Variants in PHC3 observed in about 807,000 individuals in gnomAD.
PHC3 encodes polyhomeotic-like protein 3.
In PHC3, 13 loss-of-function variants were observed where a neutral mutation model predicts 107.4. The ratio of observed to expected loss-of-function variants is 0.12; its 90% CI spans 0.08 to 0.19. PHC3 has a LOEUF of 0.19. Among genes scored for constraint, PHC3 ranks in the 10% least tolerant of loss-of-function variants. The pLI is 1.00. For missense variants in PHC3, 992 were observed against 1,210.9 expected (o/e 0.82, Z 2.68); for synonymous variants, 456 against 427.4 (o/e 1.07, Z -0.83).
chr3:170,181,523 A>G (rs901006427), intron 1 of PHC3, among the ~76,000 whole-genome samples, 179 bp downstream of exon 1: 1 of 152,104 alleles, frequency 6.6e-6, no homozygotes, highest in African/African-American at 2.4e-5. Context: ...ACTGGACCCT[A>G]GAGTTCGTCT....
chr3:170,112,269 G>A (rs1450606730), intron 11 of PHC3, among the ~76,000 whole-genome samples: 1 of 151,642 alleles, frequency 6.6e-6, no homozygotes, highest in Non-Finnish European at 1.5e-5. Context: ...GGAGTGCAGT[G>A]GCACAATTTC....
intron 4 of PHC3, among the ~76,000 whole-genome samples, chr3:170,155,866 G>C (rs1726810737): frequency 6.6e-6 from 1 of 152,032 alleles, no homozygotes; most frequent in Admixed American, 6.5e-5. Context: ...AAATGTTAAA[G>C]GTGTATATAT....
chr3:170,120,617 T>C (rs556802702), intron 9 of PHC3, among the ~76,000 whole-genome samples: 1 of 152,072 alleles, frequency 6.6e-6, no homozygotes, highest in South Asian at 2.1e-4. Flanking sequence ...ATATTTTATA[T>C]AAGTTTATTG....
intron 14 of PHC3, among the ~76,000 whole-genome samples, chr3:170,099,537 G>A (rs537738808): frequency 8.5e-5 from 13 of 152,192 alleles, no homozygotes; most frequent in African/African-American, 2.2e-4. Context: ...CCTGGATCCC[G>A]GGGATGTGTA....
intron 7 of PHC3, among the ~76,000 whole-genome samples, chr3:170,134,617 A>C (rs1312037037): frequency 2.0e-5 from 3 of 152,174 alleles, no homozygotes; most frequent in African/African-American, 7.2e-5. Flanking sequence ...CCAAAATCCA[A>C]GTGGGAAAAA....
chr3:170,120,559 C>G (rs1249494382), intron 9 of PHC3, among the ~76,000 whole-genome samples: 1 of 151,764 alleles, frequency 6.6e-6, no homozygotes, highest in East Asian at 1.9e-4. Flanking sequence ...GGCGACAGAG[C>G]CAGACTCCAT....
chr3:170,165,081 C>T (rs1012471181), intron 4 of PHC3, among the ~76,000 whole-genome samples: 4 of 152,172 alleles, frequency 2.6e-5, no homozygotes, highest in Admixed American at 1.3e-4. Context: ...AAAGGTACTC[C>T]TATTCCTTCT....
At chr3:170,118,409 C>T (rs528466533) in intron 9 of PHC3, among the ~76,000 whole-genome samples, 1 of 152,024 alleles carries the variant, frequency 6.6e-6, no homozygotes, top group African/African-American at 2.4e-5. Flanking sequence ...CCATGCCTGC[C>T]TGGAAAATTT....
At chr3:170,127,839 A>C (rs1460491813) in intron 8 of PHC3, among the ~76,000 whole-genome samples, 3 of 152,196 alleles carry the variant, frequency 2.0e-5, no homozygotes, top group Non-Finnish European at 2.9e-5. Context: ...AATGTCTTTT[A>C]GAGAATGTTT....
intron 6 of PHC3, among the ~76,000 whole-genome samples, chr3:170,144,856 G>A (rs571098447): frequency 5.3e-5 from 8 of 152,248 alleles, no homozygotes; most frequent in East Asian, 1.9e-4. Context: ...CAGCAGCGCA[G>A]CACCACACTT....
At chr3:170,136,329 CTCCTGT>C in intron 7 of PHC3, 84 bp downstream of exon 7, 1 of 1,471,186 alleles carries the variant, frequency 6.8e-7, no homozygotes, top group Non-Finnish European at 9.4e-7. Context: ...AAAGGTGTCA[CTCCTGT>C]TCAAGTCATG....
intron 9 of PHC3, among the ~76,000 whole-genome samples, chr3:170,120,551 C>A (rs1209825352): frequency 6.6e-6 from 1 of 151,382 alleles, no homozygotes; most frequent in East Asian, 1.9e-4. Flanking sequence ...CCAGCCTGGG[C>A]GACAGAGCCA....
Position 170,096,982 on chromosome 3 carries a change from C to T in PHC3, c.*248G>A. ...ACATTTCTTTGAAAAATATCATGGCCCTCTGTAACAAGTCTTTCAATGTTT... is the reference window on the plus strand; with the variant it reads ...ACATTTCTTTGAAAAATATCATGGCTCTCTGTAACAAGTCTTTCAATGTTT... On this transcript the variant is annotated 3_prime_UTR_variant, in exon 15 of 15. Transcript: ENST00000495893. 1 of 325,344 alleles carries T rather than the reference C, an allele frequency of 3.1e-6. No homozygotes were observed. Among genetic ancestry groups the T allele is most frequent in the South Asian group, 1.4e-4 (1 of 7,184 alleles). 20.2% of individuals were successfully genotyped at this position (325,344 alleles called of 1,614,324 possible).
chr3:170,156,759 G>A (rs1241457287), intron 4 of PHC3, among the ~76,000 whole-genome samples: 1 of 151,798 alleles, frequency 6.6e-6, no homozygotes, highest in African/African-American at 2.4e-5. Context: ...ACCATGCCTG[G>A]CTAATTTTTG....
rs1316079469 is a variant in PHC3 at position 170,095,874 on chromosome 3, G to T, written c.*1356C>A. On this transcript the variant is annotated 3_prime_UTR_variant, in exon 15 of 15. Coordinates refer to ENST00000495893, the MANE Select transcript of PHC3 (RefSeq NM_024947.4). ...AACATGTACATACAAAATTATATCC[G>T]ATGGTTCAAGAGAAATCACTTGGTA... The T allele has an allele frequency of 6.6e-6, 1 of 152,056 alleles. No individual in the cohort carries two copies. Among genetic ancestry groups the T allele is most frequent in the Non-Finnish European group, 1.5e-5 (1 of 68,010 alleles). The allele number at this position is 152,056 out of a possible 1,614,324, so 9.4% of individuals were successfully genotyped here.
At chr3:170,119,036 T>TAAAAAAAAAAAAAAAAAAGAAA (rs1719624702) in intron 9 of PHC3, among the ~76,000 whole-genome samples, 1 of 72,668 alleles carries the variant, frequency 1.4e-5, no homozygotes, top group African/African-American at 4.8e-5. Context: ...TATAAAAAGC[T>TAAAAAAAAAAAAAAAAAAGAAA]AAAAAAAAAA....
intron 8 of PHC3, 32 bp from the exon 9 acceptor site, chr3:170,122,776 T>G (rs1196048569): frequency 4.4e-6 from 7 of 1,599,600 alleles, no homozygotes; most frequent in South Asian, 2.3e-5. Flanking sequence ...CCTTAAAATG[T>G]TTCCAAAACT....
At chr3:170,159,057 C>T (rs2108656261) in intron 4 of PHC3, among the ~76,000 whole-genome samples, 1 of 151,982 alleles carries the variant, frequency 6.6e-6, no homozygotes, top group Admixed American at 6.5e-5. Flanking sequence ...CGAGACCATC[C>T]TGGCTAACAT....
chr3:170,141,585 T>C (rs900489009), intron 6 of PHC3, among the ~76,000 whole-genome samples: 1 of 152,148 alleles, frequency 6.6e-6, no homozygotes, highest in African/African-American at 2.4e-5. Context: ...TTTGTTTGTT[T>C]CACCTTGGAA....
Sources: allele counts gnomAD v4.1 joint callset (sites outside exome capture counted in the v4.1 genomes callset), GRCh38; gene constraint gnomAD v4.1.1; transcripts MANE v1.5; gene names NCBI Gene and HGNC (gene_info 2026-07-23, HGNC 2026-07-21).